The following MARK1 variants were observed in gnomAD, a reference collection of about 807,000 sequenced individuals.
MARK1 encodes microtubule affinity regulating kinase 1.
In MARK1, 40 loss-of-function variants were observed where a neutral mutation model predicts 96.3. The ratio of observed to expected loss-of-function variants is 0.42; its 90% confidence interval spans 0.32 to 0.54. MARK1 has a LOEUF of 0.54. MARK1 is among the 20% of genes least tolerant of loss of function. The pLI, the probability that MARK1 is intolerant of heterozygous loss-of-function variation, is 0.16. For synonymous variants in MARK1, 317 were observed against 341.2 expected, an observed-to-expected ratio of 0.93 and a Z score of 0.78; for missense variants, 719 against 984.6, an observed-to-expected ratio of 0.73 and a Z score of 3.61.
At chr1:220,567,857 C>T (rs79925087) in intron 1 of MARK1, among the ~76,000 whole-genome samples, 10,089 of 152,218 alleles carry the variant, frequency 0.066, 402 homozygotes, top group Middle Eastern at 0.15. Flanking sequence ...GTCTGTCTAG[C>T]TTTAAAGCTT....
At chr1:220,544,560 C>G (rs1263913622) in intron 1 of MARK1, among the ~76,000 whole-genome samples, 2 of 152,164 alleles carry the variant, frequency 1.3e-5, no homozygotes, top group East Asian at 1.9e-4. Context: ...CCTACAGAAT[C>G]ATGAGCTAAA....
chr1:220,560,174 G>GC (rs35728760), intron 1 of MARK1, among the ~76,000 whole-genome samples: 4 of 151,910 alleles, frequency 2.6e-5, no homozygotes, highest in East Asian at 1.9e-4. Flanking sequence ...GGGGGAAACT[G>GC]CCCCCCCATG....
intron 9 of MARK1, among the ~76,000 whole-genome samples, chr1:220,619,480 AT>A (rs1666939509): frequency 6.6e-6 from 1 of 152,222 alleles, no homozygotes; most frequent in Non-Finnish European, 1.5e-5. Flanking sequence ...TCATAAAAAA[AT>A]AAAATAAAAT....
At chr1:220,531,281 T>C (rs1414103945) in intron 1 of MARK1, among the ~76,000 whole-genome samples, 1 of 152,202 alleles carries the variant, frequency 6.6e-6, no homozygotes, top group African/African-American at 2.4e-5. Flanking sequence ...TATTTTTGTT[T>C]ATAGTCATTT....
intron 1 of MARK1, among the ~76,000 whole-genome samples, chr1:220,536,148 C>CT (rs1405965972): frequency 6.6e-6 from 1 of 151,790 alleles, no homozygotes; most frequent in Non-Finnish European, 1.5e-5. Flanking sequence ...TCTAGCAGTT[C>CT]TTTTTTTGGT....
At chr1:220,646,440 A>G (rs1197633035) in intron 13 of MARK1, among the ~76,000 whole-genome samples, 1 of 152,266 alleles carries the variant, frequency 6.6e-6, no homozygotes, top group Non-Finnish European at 1.5e-5. Flanking sequence ...TTCCACGTTC[A>G]TGGATAGGAA....
chr1:220,536,306 T>A (rs1391185984), intron 1 of MARK1, among the ~76,000 whole-genome samples: 2 of 152,104 alleles, frequency 1.3e-5, no homozygotes, highest in African/African-American at 2.4e-5. Flanking sequence ...CTATGTTAAA[T>A]AGAAGTGGCA....
At position 220,663,734 on chromosome 1, in the gene MARK1, A is replaced by C. The variant is rs1243856424; in HGVS notation, c.*1568A>C. 6.6e-6 allele frequency: 1 copy of C among 152,190 alleles called. No individual in the cohort carries two copies. The highest frequency in any genetic ancestry group is 1.5e-5 in the Non-Finnish European group (1 of 67,930). 9.4% of individuals were successfully genotyped at this position (152,190 alleles called of 1,614,324 possible). A position where few individuals can be genotyped will look rare whatever the true frequency, so the allele number is the denominator to read the frequency against. ...CTGTGATGTAGCTTTCTTCTGTAAC[A>C]GTTATGTTTTAAAATTAAGTGAGTT... On this transcript the variant is annotated 3_prime_UTR_variant, in exon 18 of 18. Transcript: ENST00000366917.
intron 1 of MARK1, among the ~76,000 whole-genome samples, chr1:220,544,440 T>C (rs1303577432): frequency 6.6e-6 from 1 of 152,206 alleles, no homozygotes; most frequent in Non-Finnish European, 1.5e-5. Context: ...CATAGTGCTT[T>C]TCTCTTTTGC....
chr1:220,664,302 A>G lies in MARK1; in HGVS notation c.*2136A>G, dbSNP rs1669630978. On this transcript the variant is annotated 3_prime_UTR_variant, in exon 18 of 18. Transcript: ENST00000366917. Reference sequence around the variant, plus strand: ...TTTCATTTTATGTGTTCATGACAACATAAATATTTTTCAAAGATTTAGAGG... The same window carrying G: ...TTTCATTTTATGTGTTCATGACAACGTAAATATTTTTCAAAGATTTAGAGG... The G allele has an allele frequency of 6.6e-6, 1 of 152,224 alleles. No individual in the cohort carries two copies. The highest frequency in any genetic ancestry group is 1.9e-4 in the East Asian group (1 of 5,204). The allele number at this position is 152,224 out of a possible 1,614,324, so 9.4% of individuals were successfully genotyped here.
intron 1 of MARK1, among the ~76,000 whole-genome samples, chr1:220,530,837 T>C (rs1036910042): frequency 1.3e-5 from 2 of 152,216 alleles, no homozygotes; most frequent in African/African-American, 4.8e-5. Flanking sequence ...CATAATGATA[T>C]CTCCATTTAG....
chr1:220,576,296 A>G (rs2589579), intron 1 of MARK1, among the ~76,000 whole-genome samples: 141,764 of 151,592 alleles, frequency 0.94, 66,973 homozygotes, highest in South Asian at 1. Context: ...ATTTCTCATC[A>G]TCCTGCTGTC....
intron 1 of MARK1, among the ~76,000 whole-genome samples, chr1:220,531,943 A>G (rs1449448217): frequency 1.3e-5 from 2 of 152,150 alleles, no homozygotes; most frequent in Non-Finnish European, 2.9e-5. Context: ...TATTTGGATA[A>G]TTCCACCATG....
At chr1:220,659,867 T>TG (rs1380655673) in intron 17 of MARK1, among the ~76,000 whole-genome samples, 8 of 152,298 alleles carry the variant, frequency 5.3e-5, no homozygotes, top group Non-Finnish European at 1.2e-4. Flanking sequence ...CTCAGCTCAC[T>TG]GCAACCTCCA....
intron 1 of MARK1, among the ~76,000 whole-genome samples, chr1:220,547,624 G>T (rs1661590194): frequency 6.6e-6 from 1 of 152,062 alleles, no homozygotes; most frequent in South Asian, 2.1e-4. Context: ...GAGTGCAGTG[G>T]TGCGATCTCA....
At chr1:220,596,664 T>A (rs1665380367) in intron 3 of MARK1, among the ~76,000 whole-genome samples, 1 of 152,172 alleles carries the variant, frequency 6.6e-6, no homozygotes, top group African/African-American at 2.4e-5. Flanking sequence ...CATTTATTGA[T>A]TCATTTTTGC....
At chr1:220,645,530 T>C (rs1019837969) in intron 13 of MARK1, among the ~76,000 whole-genome samples, 2 of 152,084 alleles carry the variant, frequency 1.3e-5, no homozygotes, top group Non-Finnish European at 2.9e-5. Context: ...TTCCAAACAA[T>C]TGAAAAGGAG....
At chr1:220,624,684 G>A (rs1010243130) in intron 9 of MARK1, among the ~76,000 whole-genome samples, 5 of 151,920 alleles carry the variant, frequency 3.3e-5, no homozygotes, top group Non-Finnish European at 5.9e-5. Context: ...TTTGATCCAT[G>A]TATATATTTT....
intron 1 of MARK1, among the ~76,000 whole-genome samples, chr1:220,548,030 A>G (rs1661618064): frequency 2.6e-5 from 4 of 152,396 alleles, no homozygotes; most frequent in Non-Finnish European, 1.5e-5. Context: ...TCAACAAAAT[A>G]CATTCCTCTT....
Sources: gnomAD v4.1 joint callset for allele counts (sites outside exome capture counted in the v4.1 genomes callset) on GRCh38, gnomAD v4.1.1 for gene constraint, MANE v1.5 for transcripts, NCBI Gene and HGNC (gene_info 2026-07-23, HGNC 2026-07-21) for gene names.